The following RBM27 variants were observed in gnomAD, a reference collection of about 807,000 sequenced individuals.
RBM27 encodes the protein RNA-binding protein 27.
In RBM27, 22 loss-of-function variants were observed where a neutral mutation model predicts 135.3. That is an observed-to-expected ratio of 0.16 (90% CI 0.12 to 0.23). RBM27 has a LOEUF of 0.23. Ranked by LOEUF, RBM27 falls within the 10% of genes least tolerant of loss-of-function variation. RBM27 has a pLI of 1.00. For missense variants in RBM27, 1,009 were observed against 1,281.0 expected (o/e 0.79, Z 3.24); for synonymous variants, 481 against 442.4 (o/e 1.09, Z -1.10).
rs2126650424 is a variant in RBM27, at chr5:146,203,667, G to A, written c.-99G>A. On this transcript the variant is annotated 5_prime_UTR_variant, in exon 1 of 21. Coordinates refer to ENST00000265271, the MANE Select transcript of RBM27 (RefSeq NM_018989.2). Reference sequence around the variant, plus strand: ...GTCTCCTAAGATGCCCGGTGGGCTGGGGCACCGGGAGCTGTGAAGGGAACG... The same window carrying A: ...GTCTCCTAAGATGCCCGGTGGGCTGAGGCACCGGGAGCTGTGAAGGGAACG... 8.8e-7 allele frequency: 1 copy of A among 1,131,718 alleles called. No individual in the cohort carries two copies. Among genetic ancestry groups the A allele is most frequent in the Non-Finnish European group, 1.3e-6 (1 of 773,074 alleles). The allele number at this position is 1,131,718 out of a possible 1,614,324, so 70.1% of individuals were successfully genotyped here.
chr5:146,271,756 A>T, intron 19 of RBM27, 82 bp downstream of exon 19: 2 of 1,246,648 alleles, frequency 1.6e-6, no homozygotes, highest in Non-Finnish European at 2.2e-6. Flanking sequence ...TAAATGTCAG[A>T]TGTTTTATAG....
chr5:146,225,468 G>A (rs943423367), intron 3 of RBM27, among the ~76,000 whole-genome samples: 1 of 151,666 alleles, frequency 6.6e-6, no homozygotes, highest in African/African-American at 2.4e-5. Context: ...ATCATGCCCT[G>A]TAATTATCTC....
At chr5:146,208,305 G>T (rs1755789736) in intron 1 of RBM27, among the ~76,000 whole-genome samples, 5 of 152,144 alleles carry the variant, frequency 3.3e-5, no homozygotes, top group Admixed American at 3.3e-4. Context: ...ATTCCCTATG[G>T]ACAAGTTAGG....
At chr5:146,220,151 A>T (rs1756382904) in intron 2 of RBM27, among the ~76,000 whole-genome samples, 1 of 152,144 alleles carries the variant, frequency 6.6e-6, no homozygotes. Context: ...CTTGGAACCT[A>T]CAGTACTTGG....
chr5:146,251,251 G>A (rs549675255), intron 8 of RBM27, among the ~76,000 whole-genome samples: 21 of 152,084 alleles, frequency 1.4e-4, no homozygotes, highest in African/African-American at 3.9e-4. Flanking sequence ...TCTCAGATAC[G>A]GGAGCATATT....
chr5:146,269,560 A>G lies in RBM27; in HGVS notation c.2667A>G (p.Pro889=), dbSNP rs1758771292. The change falls in exon 17 of 21, where the codon CCA becomes CCG. Residue 889 remains proline (P), a synonymous_variant. Transcript: ENST00000265271. ...ELKTSSAVST[P]SKVKTKTEAQ... ...AAACATCTTCTGCAGTCTCCACACC[A>G]TCTAAAGTGAAGACAAAAACGGAGG... 1.3e-6 allele frequency: 2 copies of G among 1,548,056 alleles called. No individual in the cohort carries two copies. The highest frequency in any genetic ancestry group is 1.7e-6 in the Non-Finnish European group (2 of 1,157,664).
At chr5:146,227,933 A>G (rs1181598594) in intron 3 of RBM27, among the ~76,000 whole-genome samples, 1 of 152,144 alleles carries the variant, frequency 6.6e-6, no homozygotes, top group Non-Finnish European at 1.5e-5. Flanking sequence ...AACGTTTCCT[A>G]TGGAATAAAT....
chr5:146,270,392 A>C (rs1758809847), intron 17 of RBM27, among the ~76,000 whole-genome samples: 1 of 152,198 alleles, frequency 6.6e-6, no homozygotes, highest in Admixed American at 6.5e-5. Flanking sequence ...AAAGTGTTTA[A>C]GATTTCTTCT....
At chr5:146,220,866 T>A (rs1756430122) in intron 2 of RBM27, among the ~76,000 whole-genome samples, 1 of 152,136 alleles carries the variant, frequency 6.6e-6, no homozygotes, top group South Asian at 2.1e-4. Flanking sequence ...GCAAAACATA[T>A]TTGGGGTAAA....
At chr5:146,227,283 C>A (rs905668383) in intron 3 of RBM27, among the ~76,000 whole-genome samples, 1 of 152,176 alleles carries the variant, frequency 6.6e-6, no homozygotes, top group Admixed American at 6.5e-5. Context: ...TGAAGAAATT[C>A]AATCATTTGT....
At chr5:146,223,140 C>T (rs755621767) in intron 2 of RBM27, among the ~76,000 whole-genome samples, 43 of 152,070 alleles carry the variant, frequency 2.8e-4, no homozygotes, top group Non-Finnish European at 5.4e-4. Context: ...TTTAACTAGT[C>T]TCTTATTCAT....
intron 1 of RBM27, among the ~76,000 whole-genome samples, chr5:146,205,106 G>A (rs1359446050): frequency 6.6e-6 from 1 of 152,130 alleles, no homozygotes; most frequent in African/African-American, 2.4e-5. Flanking sequence ...CCTTGTTGGC[G>A]AGGCTGGTCT....
At chr5:146,253,681 A>G (rs1003790901) in intron 9 of RBM27, among the ~76,000 whole-genome samples, 11 of 152,162 alleles carry the variant, frequency 7.2e-5, no homozygotes, top group Non-Finnish European at 1.3e-4. Context: ...TTGCCTCATT[A>G]TAGCTTCTGG....
intron 7 of RBM27, among the ~76,000 whole-genome samples, chr5:146,237,088 G>A (rs1457521790): frequency 1.3e-5 from 2 of 151,910 alleles, no homozygotes; most frequent in Non-Finnish European, 2.9e-5. Context: ...ACAGGCATGT[G>A]CCACCACGCC....
chr5:146,229,769 T>C lies in RBM27; in HGVS notation c.448T>C (p.Tyr150His), dbSNP rs770061930. 1.9e-6 allele frequency: 3 copies of C among 1,612,608 alleles called. No individual in the cohort carries two copies. The highest frequency in any genetic ancestry group is 1.1e-5 in the South Asian group (1 of 91,042). Residue 150 changes from tyrosine to histidine, a missense_variant, in exon 5 of 21, where the codon TAT (tyrosine) becomes CAT (histidine). By Grantham distance (83) the Tyr-to-His change is moderately conservative. Transcript: ENST00000265271. ...DGKWRDYDRY[Y>H]ERNELYREKY... ...GAAATGGAGAGACTATGACCGGTACTATGAGCGGAATGAATTGTACCGTGA... is the reference window on the plus strand; with the variant it reads ...GAAATGGAGAGACTATGACCGGTACCATGAGCGGAATGAATTGTACCGTGA...
chr5:146,272,454 A>G (rs1173081575), intron 19 of RBM27, among the ~76,000 whole-genome samples: 1 of 152,172 alleles, frequency 6.6e-6, no homozygotes, highest in Non-Finnish European at 1.5e-5. Flanking sequence ...ACAATGGCTC[A>G]TGTCTGTAAT....
At chr5:146,272,170 T>C (rs745672605) in intron 19 of RBM27, among the ~76,000 whole-genome samples, 2 of 152,246 alleles carry the variant, frequency 1.3e-5, no homozygotes, top group Non-Finnish European at 2.9e-5. Context: ...AAATATTTTA[T>C]TGACATTATT....
chr5:146,227,927 T>G (rs1410085624), intron 3 of RBM27, among the ~76,000 whole-genome samples: 1 of 152,188 alleles, frequency 6.6e-6, no homozygotes, highest in African/African-American at 2.4e-5. Flanking sequence ...TCCTAAAACG[T>G]TTCCTATGGA....
chr5:146,228,117 C>T (rs926960619), intron 3 of RBM27, among the ~76,000 whole-genome samples: 5 of 152,094 alleles, frequency 3.3e-5, no homozygotes, highest in Non-Finnish European at 1.5e-5. Flanking sequence ...TAACAAACTG[C>T]TTGTTGAAGT....
Sources: allele counts gnomAD v4.1 joint callset (sites outside exome capture counted in the v4.1 genomes callset), GRCh38; gene constraint gnomAD v4.1.1; transcripts MANE v1.5; gene names NCBI Gene and HGNC (gene_info 2026-07-23, HGNC 2026-07-21).